The following TTC17 variants were observed in gnomAD, a reference collection of about 807,000 sequenced individuals.
The protein encoded by TTC17 is tetratricopeptide repeat protein 17.
A neutral mutation model predicts 143.8 loss-of-function variants in TTC17; 58 were observed. The observed-to-expected ratio is 0.40, with a 90% CI of 0.33 to 0.50. The LOEUF (loss-of-function observed/expected upper bound fraction) is 0.50, where lower values mean the gene tolerates loss of function less well. Ranked by LOEUF, TTC17 falls within the 20% of genes least tolerant of loss-of-function variation. TTC17 has a pLI of 0.49. For synonymous variants in TTC17, 501 were observed against 497.8 expected, an observed-to-expected ratio of 1.01 and a Z score of -0.09; for missense variants, 1,273 against 1,392.5, an observed-to-expected ratio of 0.91 and a Z score of 1.37.
intron 1 of TTC17, among the ~76,000 whole-genome samples, chr11:43,376,931 A>G (rs557285311): frequency 6.6e-6 from 1 of 152,318 alleles, no homozygotes; most frequent in Admixed American, 6.5e-5. Flanking sequence ...ACAGCATGTT[A>G]TGGTTCTGTA....
intron 1 of TTC17, among the ~76,000 whole-genome samples, chr11:43,366,775 G>A (rs952067248): frequency 6.6e-6 from 1 of 151,986 alleles, no homozygotes; most frequent in African/African-American, 2.4e-5. Flanking sequence ...CCTTATCTCG[G>A]GTCATCCTTG....
chr11:43,400,165 T>C (rs570977364), intron 9 of TTC17, 117 bp downstream of exon 9: 12 of 1,147,410 alleles, frequency 1.0e-5, no homozygotes, highest in Non-Finnish European at 1.5e-5. Context: ...ATGACTTCCC[T>C]ACATCTCGAA....
chr11:43,439,309 T>C (rs1947361695), intron 16 of TTC17, among the ~76,000 whole-genome samples: 1 of 152,212 alleles, frequency 6.6e-6, no homozygotes, highest in African/African-American at 2.4e-5. Context: ...TGAGTACTTT[T>C]GCCAAGTATA....
intron 21 of TTC17, among the ~76,000 whole-genome samples, chr11:43,457,980 G>A (rs920585843): frequency 6.6e-6 from 1 of 151,976 alleles, no homozygotes; most frequent in African/African-American, 2.4e-5. Flanking sequence ...AGCAGAATAG[G>A]TACAATGAAA....
chr11:43,369,069 T>TA (rs1856461819), intron 1 of TTC17, among the ~76,000 whole-genome samples: 1 of 152,270 alleles, frequency 6.6e-6, no homozygotes, highest in African/African-American at 2.4e-5. Flanking sequence ...AAACAGCGTC[T>TA]ATTTGAGCCT....
chr11:43,474,544 CTTAAAA>C (rs1463388226), intron 21 of TTC17, among the ~76,000 whole-genome samples: 1 of 152,082 alleles, frequency 6.6e-6, no homozygotes, highest in Non-Finnish European at 1.5e-5. Context: ...GCAGTTTCTA[CTTAAAA>C]TTAAATGAGC....
chr11:43,444,339 C>T, intron 18 of TTC17, 130 bp downstream of exon 18: 1 of 856,584 alleles, frequency 1.2e-6, no homozygotes, highest in African/African-American at 1.7e-5. Flanking sequence ...GTCAAGAAAC[C>T]AGTCTATCTT....
Position 43,392,379 on chromosome 11 carries a change from C to CT in TTC17, c.663+430dup, listed in dbSNP as rs574502506. Among the ~76,000 whole-genome samples, 718 of 152,130 alleles carry CT rather than the reference C, an allele frequency of 4.7e-3. 5 individuals are homozygous for CT. The highest frequency in any genetic ancestry group is 0.017 in the African/African-American group (693 of 41,504). On this transcript the variant is annotated intron_variant, in intron 5 of 23. Transcript: ENST00000039989. ...TAACTTTCTTTTAAGAGACTATCTA[C>CT]TTTAAAAAAAATGAAATAGGGAATT...
chr11:43,379,791 A>G (rs1236696900), intron 2 of TTC17, among the ~76,000 whole-genome samples: 1 of 152,190 alleles, frequency 6.6e-6, no homozygotes, highest in Non-Finnish European at 1.5e-5. Context: ...AACATTAATC[A>G]CCTTGTTCCT....
Position 43,453,539 on chromosome 11 carries a change from G to A in TTC17, c.3030+2274G>A, listed in dbSNP as rs544575695. 3.9e-5 allele frequency among the ~76,000 whole-genome samples: 6 copies of A among 152,278 alleles called. No homozygotes were observed. The South Asian group carries it at 8.3e-4, about 21-fold the overall frequency. ...ACTGACCATCAATATAGAGTCCACA[G>A]ACAAATTGCCATTAACATGTAACAA... On this transcript the variant is annotated intron_variant, in intron 21 of 23. Transcript: ENST00000039989.
intron 16 of TTC17, 42 bp downstream of exon 16, chr11:43,414,818 A>G (rs1307349158): frequency 1.3e-6 from 2 of 1,583,776 alleles, no homozygotes. Context: ...GAGCTCAGCC[A>G]GAGTTCCTCT....
At chr11:43,371,205 A>C (rs1219620551) in intron 1 of TTC17, among the ~76,000 whole-genome samples, 1 of 152,208 alleles carries the variant, frequency 6.6e-6, no homozygotes, top group Non-Finnish European at 1.5e-5. Context: ...CCAAGCAAGC[A>C]GTCAGTTCTG....
At chr11:43,457,619 C>T (rs902042014) in intron 21 of TTC17, among the ~76,000 whole-genome samples, 3 of 151,574 alleles carry the variant, frequency 2.0e-5, no homozygotes, top group Non-Finnish European at 4.4e-5. Context: ...ACCTTTTCAC[C>T]AGAGAACTAA....
At chr11:43,367,078 C>T (rs1176240223) in intron 1 of TTC17, among the ~76,000 whole-genome samples, 1 of 152,134 alleles carries the variant, frequency 6.6e-6, no homozygotes, top group Non-Finnish European at 1.5e-5. Context: ...TAGGTAAATG[C>T]CACACTAGAC....
chr11:43,413,024 AC>A (rs373645121), intron 15 of TTC17, among the ~76,000 whole-genome samples: 9,733 of 133,806 alleles, frequency 0.073, 376 homozygotes, highest in Non-Finnish European at 0.1. Context: ...ACACACACAC[AC>A]ACAAATGGGG....
intron 16 of TTC17, among the ~76,000 whole-genome samples, chr11:43,415,567 ATCAGATGGATATTAGT>A (rs1246400915): frequency 1.2e-4 from 18 of 152,176 alleles, no homozygotes; most frequent in African/African-American, 4.1e-4. Context: ...ATAATATTTA[ATCAGATGGATATTAGT>A]TCAGCTCCTT....
At position 43,370,410 on chromosome 11, in the gene TTC17, A is replaced by G. The variant is rs1028762999; in HGVS notation, c.160-8823A>G. On this transcript the variant is annotated intron_variant, in intron 1 of 23. Transcript: ENST00000039989. ...GGTAAGGAGCAAGAAAATACAAAAG[A>G]TGTTTCATTTTTGAGATGTTCTACC... 9 of 179,122 alleles carry G rather than the reference A, an allele frequency of 5.0e-5. No individual in the cohort carries two copies. The East Asian group carries it at 1.1e-3, about 22-fold the overall frequency. The allele number at this position is 179,122 out of a possible 1,614,324, so 11.1% of individuals were successfully genotyped here. A position where few individuals can be genotyped will look rare whatever the true frequency, so the allele number is the denominator to read the frequency against.
intron 16 of TTC17, among the ~76,000 whole-genome samples, chr11:43,415,419 C>T (rs561800676): frequency 6.6e-6 from 1 of 152,222 alleles, no homozygotes; most frequent in South Asian, 2.1e-4. Flanking sequence ...TTAACCTTCA[C>T]TATAAGAAAA....
intron 1 of TTC17, chr11:43,359,368 G>A (rs190028853): frequency 1.5e-4 from 66 of 440,998 alleles, no homozygotes; most frequent in Middle Eastern, 1.2e-3. Context: ...GCGTGGGGAA[G>A]AGTCGCCCAG....
Sources: gnomAD v4.1 joint callset for allele counts (sites outside exome capture counted in the v4.1 genomes callset) on GRCh38, gnomAD v4.1.1 for gene constraint, MANE v1.5 for transcripts, NCBI Gene and HGNC (gene_info 2026-07-23, HGNC 2026-07-21) for gene names.